EYA3: variants seen among roughly 807,000 people sequenced by gnomAD.
The protein encoded by EYA3 is protein phosphatase EYA3.
EYA3 carries 39 observed loss-of-function variants against 80.0 expected under a neutral mutation model. That is an observed-to-expected ratio of 0.49 (90% CI 0.38 to 0.64). The LOEUF is 0.64. Among genes scored for constraint, EYA3 ranks in the 30% least tolerant of loss-of-function variants. EYA3 has a pLI of 0.00. For missense variants in EYA3, 523 were observed against 676.1 expected (o/e 0.77, Z 2.51); for synonymous variants, 206 against 232.8 (o/e 0.88, Z 1.05).
At chr1:27,977,216 T>A in intron 17 of EYA3, 4 of 1,511,554 alleles carry the variant, frequency 2.6e-6, no homozygotes, top group South Asian at 2.6e-5. Flanking sequence ...AAAATAAGGA[T>A]CCCTGAATTG....
At chr1:28,050,534 CT>C (rs1644207707) in intron 2 of EYA3, among the ~76,000 whole-genome samples, 1 of 152,006 alleles carries the variant, frequency 6.6e-6, no homozygotes, top group African/African-American at 2.4e-5. Flanking sequence ...AAGAATTATG[CT>C]TCTTTACGCT....
chr1:27,988,800 G>C, intron 15 of EYA3, 144 bp from the exon 16 acceptor site: 1 of 815,138 alleles, frequency 1.2e-6, no homozygotes. Context: ...CCAATGTTCA[G>C]CTACTACTCA....
chr1:28,087,743 C>A (rs1645714998), intron 1 of EYA3, among the ~76,000 whole-genome samples: 1 of 152,242 alleles, frequency 6.6e-6, no homozygotes, highest in African/African-American at 2.4e-5. Flanking sequence ...TTCTTCATGA[C>A]TTGTCAATTA....
intron 17 of EYA3, among the ~76,000 whole-genome samples, chr1:27,976,560 C>G (rs1638938131): frequency 6.6e-6 from 1 of 152,112 alleles, no homozygotes; most frequent in African/African-American, 2.4e-5. Flanking sequence ...CTTGGTTGAT[C>G]CCACGGTGGA....
At chr1:27,988,014 C>A (rs1181697295) in intron 16 of EYA3, among the ~76,000 whole-genome samples, 1 of 152,100 alleles carries the variant, frequency 6.6e-6, no homozygotes, top group Non-Finnish European at 1.5e-5. Flanking sequence ...ACTACAGCTG[C>A]GTGCCACCAC....
Position 28,042,695 on chromosome 1 carries a change from G to A in EYA3, c.78-45C>T. 4.0e-6 allele frequency: 6 copies of A among 1,518,152 alleles called. No homozygotes were observed. The East Asian group carries it at 1.4e-4, about 34-fold the overall frequency. 94.0% of individuals were successfully genotyped at this position (1,518,152 alleles called of 1,614,324 possible). A position where few individuals can be genotyped will look rare whatever the true frequency, so the allele number is the denominator to read the frequency against. ...TACATTAGCCCCTGATTGATTTGCT[G>A]CATTGCTAAAAAGTGATGAGTTCAA... is the stretch of plus-strand genomic sequence containing the variant. On this transcript the variant is annotated intron_variant, in intron 3 of 17. Coordinates refer to ENST00000373871, the MANE Select transcript of EYA3 (RefSeq NM_001990.4).
At position 27,974,287 on chromosome 1, in the gene EYA3, G is replaced by GAGGA; in HGVS notation, c.*178_*179insTCCT. The GAGGA allele has an allele frequency of 2.2e-6, 1 of 447,334 alleles. No individual in the cohort carries two copies. Among genetic ancestry groups the GAGGA allele is most frequent in the South Asian group, 3.1e-5 (1 of 32,676 alleles). 27.7% of individuals were successfully genotyped at this position (447,334 alleles called of 1,614,324 possible). A position where few individuals can be genotyped will look rare whatever the true frequency, so the allele number is the denominator to read the frequency against. ...AGAGAGAGAGAGAGAGAGAGGCAGA[G>GAGGA]AGGGAGGGAGAGAGGAAGGGAGGGA... is the stretch of plus-strand genomic sequence containing the variant. On this transcript the variant is annotated 3_prime_UTR_variant, in exon 18 of 18. Transcript: ENST00000373871.
chr1:28,007,163 C>T (rs576371520), intron 10 of EYA3, among the ~76,000 whole-genome samples: 1 of 151,788 alleles, frequency 6.6e-6, no homozygotes, highest in East Asian at 1.9e-4. Flanking sequence ...GTTGACCAGG[C>T]TGGTCTCAAA....
intron 6 of EYA3, among the ~76,000 whole-genome samples, chr1:28,033,165 C>G (rs372374805): frequency 6.6e-6 from 1 of 152,100 alleles, no homozygotes; most frequent in East Asian, 1.9e-4. Flanking sequence ...AATCTGAAAA[C>G]AGGCAGCACT....
Position 28,042,638 on chromosome 1 carries a change from A to G in EYA3, c.90T>C (p.Asn30=). 6.2e-7 allele frequency: 1 copy of G among 1,614,110 alleles called. No individual in the cohort carries two copies. The highest frequency in any genetic ancestry group is 8.5e-7 in the Non-Finnish European group (1 of 1,179,978). Residue 30 remains asparagine (N), a synonymous_variant, in exon 4 of 18, where the codon AAT becomes AAC. Coordinates refer to ENST00000373871, the MANE Select transcript of EYA3 (RefSeq NM_001990.4). The stretch of plus-strand genomic sequence containing the variant: ...CAGGCTTCTGATCACTGACATCTGG[A>G]TTGCTTACTTGACTGGGAGAACCAA... The part of the protein sequence containing the change: ...SGEQTISQVS[N]PDVSDQKPET...
intron 6 of EYA3, among the ~76,000 whole-genome samples, chr1:28,029,197 C>A (rs759177748): frequency 1.3e-5 from 2 of 152,098 alleles, no homozygotes; most frequent in Non-Finnish European, 2.9e-5. Flanking sequence ...ATATTTATAT[C>A]CCTTCCTGCC....
intron 1 of EYA3, among the ~76,000 whole-genome samples, chr1:28,072,240 ATAAAAAT>A (rs1645042353): frequency 6.6e-6 from 1 of 152,226 alleles, no homozygotes; most frequent in African/African-American, 2.4e-5. Context: ...ACAGCCAGAA[ATAAAAAT>A]TAAACTATAT....
chr1:28,038,566 A>G (rs552740392), intron 5 of EYA3, among the ~76,000 whole-genome samples: 2 of 151,924 alleles, frequency 1.3e-5, no homozygotes, highest in Admixed American at 6.6e-5. Flanking sequence ...TCAATCAATG[A>G]TATGGTTGAT....
At chr1:28,063,354 T>C (rs1219862401) in intron 1 of EYA3, among the ~76,000 whole-genome samples, 1 of 138,452 alleles carries the variant, frequency 7.2e-6, no homozygotes, top group African/African-American at 2.7e-5. Context: ...ACTAAAACCT[T>C]TTTTTTTTTT....
At chr1:28,070,722 C>G (rs1224552057) in intron 1 of EYA3, among the ~76,000 whole-genome samples, 1 of 152,048 alleles carries the variant, frequency 6.6e-6, no homozygotes, top group African/African-American at 2.4e-5. Flanking sequence ...TTACATAATT[C>G]CAAAGTTAGC....
intron 1 of EYA3, among the ~76,000 whole-genome samples, chr1:28,083,260 G>A (rs1315281101): frequency 7.9e-5 from 12 of 152,090 alleles, no homozygotes; most frequent in Non-Finnish European, 1.0e-4. Context: ...GGTGGCTCAC[G>A]CCTGTAATCT....
At chr1:28,077,709 T>G (rs1481839557) in intron 1 of EYA3, among the ~76,000 whole-genome samples, 1 of 152,172 alleles carries the variant, frequency 6.6e-6, no homozygotes, top group Non-Finnish European at 1.5e-5. Flanking sequence ...TGTTTGAAGA[T>G]CCAGACTCAA....
At chr1:28,069,173 C>A (rs1165602581) in intron 1 of EYA3, among the ~76,000 whole-genome samples, 3 of 151,918 alleles carry the variant, frequency 2.0e-5, no homozygotes, top group Non-Finnish European at 2.9e-5. Context: ...AGCAGTGACA[C>A]AATCTCAGCT....
chr1:28,067,133 C>T (rs1018134375), intron 1 of EYA3, among the ~76,000 whole-genome samples: 1 of 152,154 alleles, frequency 6.6e-6, no homozygotes, highest in Non-Finnish European at 1.5e-5. Flanking sequence ...TAAAAGAGGT[C>T]ATAAGATTGG....
Sources: allele counts gnomAD v4.1 joint callset (sites outside exome capture counted in the v4.1 genomes callset), GRCh38; gene constraint gnomAD v4.1.1; transcripts MANE v1.5; gene names NCBI Gene and HGNC (gene_info 2026-07-23, HGNC 2026-07-21).